Variants in CRADD observed in about 807,000 individuals in gnomAD.
CRADD encodes CARD and death domain containing adaptor protein.
In CRADD, 9 loss-of-function variants were observed where a neutral mutation model predicts 15.5. The observed-to-expected ratio is 0.58, with a 90% confidence interval of 0.35 to 1.01. The LOEUF is 1.01. Ranked by LOEUF, CRADD falls within the 50% of genes least tolerant of loss-of-function variation. CRADD has a pLI of 0.02. For synonymous variants in CRADD, 118 were observed against 107.6 expected (o/e 1.10, Z -0.60); for missense variants, 227 against 250.3 (o/e 0.91, Z 0.63).
chr12:93,679,362 G>A (rs916896625), intron 2 of CRADD, among the ~76,000 whole-genome samples: 15 of 152,052 alleles, frequency 9.9e-5, no homozygotes, highest in South Asian at 2.1e-4. Context: ...GGCTGGTCTC[G>A]AACTCCGTAC....
chr12:93,820,035 A>G (rs1435127625), intron 2 of CRADD, among the ~76,000 whole-genome samples: 2 of 152,146 alleles, frequency 1.3e-5, no homozygotes, highest in Admixed American at 1.3e-4. Flanking sequence ...AGTCTTTTCC[A>G]TACCAGCCAC....
At chr12:93,735,622 C>T (rs1391998621) in intron 2 of CRADD, 1 of 152,180 alleles carries the variant, frequency 6.6e-6, no homozygotes, top group South Asian at 2.1e-4. Context: ...AAAAGTCAGT[C>T]GAGTACAGTA....
chr12:93,686,017 TGGTTGGGTGTA>T lies in CRADD; in HGVS notation c.298+6947_298+6957del, dbSNP rs1438659123. Among the ~76,000 whole-genome samples, 5 of 140,936 alleles carry T rather than the reference TGGTTGGGTGTA, an allele frequency of 3.5e-5. No individual in the cohort carries two copies. In the East Asian group the frequency reaches 1.1e-3, roughly 31 times the overall value. The allele number at this position is 140,936 out of a possible 152,430, so 92.5% of individuals were successfully genotyped here. A position where few individuals can be genotyped will look rare whatever the true frequency, so the allele number is the denominator to read the frequency against. ...TAAAAAACAAAACCAACGGAAATAA[TGGTTGGGTGTA>T]GTGGCTCATGCCTGTAATCCCTACA... On this transcript the variant is annotated intron_variant, in intron 2 of 2. Transcript: ENST00000332896.
At chr12:93,731,858 C>T (rs540152464) in intron 2 of CRADD, among the ~76,000 whole-genome samples, 3 of 152,010 alleles carry the variant, frequency 2.0e-5, no homozygotes, top group African/African-American at 7.2e-5. Context: ...GAAATCTGGC[C>T]GAGTGTGGTG....
At chr12:93,886,947 A>G (rs1264169112) in intron 2 of CRADD, among the ~76,000 whole-genome samples, 3 of 152,198 alleles carry the variant, frequency 2.0e-5, no homozygotes, top group Non-Finnish European at 2.9e-5. Flanking sequence ...ACAGAGAGTG[A>G]GGTGGGAGGC....
intron 2 of CRADD, among the ~76,000 whole-genome samples, chr12:93,729,572 A>C (rs531081201): frequency 7.1e-4 from 108 of 152,144 alleles, no homozygotes; most frequent in African/African-American, 2.6e-3. Context: ...AGATCACCTG[A>C]GGTTGGAGTT....
At chr12:93,832,139 T>G (rs1957911869) in intron 2 of CRADD, among the ~76,000 whole-genome samples, 1 of 152,226 alleles carries the variant, frequency 6.6e-6, no homozygotes, top group African/African-American at 2.4e-5. Context: ...TGAAGTTATT[T>G]TGATTCTTAA....
chr12:93,803,070 T>C (rs1957492796), intron 2 of CRADD, among the ~76,000 whole-genome samples: 1 of 152,228 alleles, frequency 6.6e-6, no homozygotes, highest in South Asian at 2.1e-4. Context: ...GACAGAATAC[T>C]AACTTCTGGG....
chr12:93,763,425 G>C (rs1236575159), intron 2 of CRADD, among the ~76,000 whole-genome samples: 3 of 151,754 alleles, frequency 2.0e-5, no homozygotes, highest in Admixed American at 2.0e-4. Context: ...AGTTTCAGGG[G>C]GCTGCAAGTC....
chr12:93,829,674 C>T (rs60607948), intron 2 of CRADD, among the ~76,000 whole-genome samples: 1 of 150,616 alleles, frequency 6.6e-6, no homozygotes, highest in East Asian at 1.9e-4. Flanking sequence ...CATCAGCTCC[C>T]TAAAGTTTTG....
At chr12:93,690,650 A>G (rs1311126532) in intron 2 of CRADD, among the ~76,000 whole-genome samples, 1 of 152,240 alleles carries the variant, frequency 6.6e-6, no homozygotes, top group African/African-American at 2.4e-5. Flanking sequence ...TATCATTTGC[A>G]TTTCACAGAT....
intron 2 of CRADD, among the ~76,000 whole-genome samples, chr12:93,842,134 T>G (rs1958056249): frequency 6.6e-6 from 1 of 152,178 alleles, no homozygotes; most frequent in Admixed American, 6.5e-5. Context: ...TTCTTAGCCG[T>G]TGGTCTTCAG....
intron 2 of CRADD, among the ~76,000 whole-genome samples, chr12:93,778,310 T>C (rs559032101): frequency 1.3e-5 from 2 of 152,324 alleles, no homozygotes; most frequent in East Asian, 1.9e-4. Flanking sequence ...AAAAAACTTT[T>C]AGCAGGGAGA....
intron 2 of CRADD, among the ~76,000 whole-genome samples, chr12:93,740,206 GA>G (rs1316009688): frequency 6.6e-6 from 1 of 151,792 alleles, no homozygotes; most frequent in African/African-American, 2.4e-5. Flanking sequence ...TTTTAAAATA[GA>G]AAAAAAATCT....
At chr12:93,846,944 CA>C (rs35066223) in intron 2 of CRADD, among the ~76,000 whole-genome samples, 53,624 of 151,278 alleles carry the variant, frequency 0.35, 9,910 homozygotes, top group Middle Eastern at 0.46. Context: ...ACTAAAAATA[CA>C]AAAAAAAATT....
intron 2 of CRADD, among the ~76,000 whole-genome samples, chr12:93,839,077 A>G (rs188354459): frequency 2.0e-4 from 30 of 152,192 alleles, no homozygotes; most frequent in Non-Finnish European, 2.9e-4. Flanking sequence ...CCCGGCCTGG[A>G]CATATATTCT....
intron 2 of CRADD, among the ~76,000 whole-genome samples, chr12:93,799,110 G>T (rs1170947036): frequency 6.6e-6 from 1 of 152,180 alleles, no homozygotes; most frequent in East Asian, 1.9e-4. Flanking sequence ...TAATATAAGG[G>T]ACTTGAACTG....
intron 2 of CRADD, among the ~76,000 whole-genome samples, chr12:93,805,589 T>A (rs1470673883): frequency 6.6e-6 from 1 of 151,674 alleles, no homozygotes; most frequent in Non-Finnish European, 1.5e-5. Context: ...AATAAATAAA[T>A]AAATAAATAA....
chr12:93,762,203 C>T (rs763846393), intron 2 of CRADD, among the ~76,000 whole-genome samples: 32 of 152,058 alleles, frequency 2.1e-4, no homozygotes, highest in Non-Finnish European at 3.2e-4. Flanking sequence ...GAAAACGGGC[C>T]GATGTTGTGA....
Sources: allele counts gnomAD v4.1 joint callset (sites outside exome capture counted in the v4.1 genomes callset), GRCh38; gene constraint gnomAD v4.1.1; transcripts MANE v1.5; gene names NCBI Gene and HGNC (gene_info 2026-07-23, HGNC 2026-07-21).